The following FAM9B variants were observed in gnomAD, a reference collection of about 807,000 sequenced individuals.
The protein encoded by FAM9B is protein FAM9B.
In FAM9B, 18 loss-of-function variants were observed where a neutral mutation model predicts 16.6. The observed-to-expected ratio is 1.09, with a 90% CI of 0.75 to 1.61. FAM9B has a LOEUF of 1.61. FAM9B is among the 40% of genes most tolerant of loss of function. The pLI, the probability that FAM9B is intolerant of heterozygous loss-of-function variation, is 0.00. For missense variants in FAM9B, 155 were observed against 136.0 expected, an observed-to-expected ratio of 1.14 and a Z score of -0.70; for synonymous variants, 43 against 42.6, an observed-to-expected ratio of 1.01 and a Z score of -0.03.
rs754866650 is a variant in FAM9B at position 9,027,877 on chromosome X, T to C, written c.483A>G (p.Gln161=). 1.7e-5 allele frequency: 21 copies of C among 1,205,540 alleles called. No individual in the cohort carries two copies. The East Asian group carries it at 5.3e-4, about 31-fold the overall frequency. ...RLKEMKLLRD[Q]FVKALEDFED... ...ACCAAATAGAACAGACCTTTACGAA[T>C]TGGTCACGTAGCAGCTTCATCTCTT... is the stretch of plus-strand genomic sequence containing the variant. Residue 161 remains glutamine (Q), a synonymous_variant, in exon 7 of 9, where the codon CAA becomes CAG. Transcript: ENST00000327220.
At position 9,029,313 on chromosome X, in the gene FAM9B, T is replaced by C; in HGVS notation, c.387A>G (p.Glu129=). 8.4e-7 allele frequency: 1 copy of C among 1,193,877 alleles called. No individual in the cohort carries two copies. The highest frequency in any genetic ancestry group is 1.1e-6 in the Non-Finnish European group (1 of 880,422). Residue 129 remains glutamate (E), a synonymous_variant, in exon 6 of 9, where the codon GAA becomes GAG. Coordinates refer to ENST00000327220, the MANE Select transcript of FAM9B (RefSeq NM_205849.3). ...AGCTAAGCATGATACCAACAATTAG[T>C]TCTTCCTCTTCTCCCTCTTCTTCTT... ...EEEEEEGEEE[E]LIRIFQEQQK...
intron 2 of FAM9B, 38 bp downstream of exon 2, chrX:9,032,921 C>G (rs1453202699): frequency 8.3e-7 from 1 of 1,206,078 alleles, no homozygotes; most frequent in African/African-American, 1.7e-5. Flanking sequence ...TCCTCTTGGG[C>G]GTGCACCTTC....
At chrX:9,030,051 C>T in intron 5 of FAM9B, 1 of 642,651 alleles carries the variant, frequency 1.6e-6, no homozygotes. Flanking sequence ...AAAAAGAGGT[C>T]ATCTTCATTG....
intron 2 of FAM9B, 181 bp from the exon 3 acceptor site, chrX:9,032,642 TG>T (rs1921118003): frequency 1.4e-6 from 1 of 737,692 alleles, no homozygotes; most frequent in Non-Finnish European, 1.9e-6. Context: ...GAGGGACTTT[TG>T]GAAGCCCTTC....
In FAM9B at chrX:9,032,559, G is replaced by A. The variant is rs1019589796; in HGVS notation, c.29-98C>T. The A allele has an allele frequency of 1.4e-5, 8 of 555,430 alleles. No individual in the cohort carries two copies. In the East Asian group the frequency reaches 3.1e-4, roughly 22 times the overall value. 45.8% of individuals were successfully genotyped at this position (555,430 alleles called of 1,213,427 possible). On this transcript the variant is annotated intron_variant, in intron 2 of 8. Coordinates refer to ENST00000327220, the MANE Select transcript of FAM9B (RefSeq NM_205849.3). Reference sequence around the variant, plus strand: ...TACTAGTTGTAGACTTTTTTGGGGGGGGGGGGCTCTCTGCCAATTAAAGCT... The same window carrying A: ...TACTAGTTGTAGACTTTTTTGGGGGAGGGGGGCTCTCTGCCAATTAAAGCT...
In FAM9B at chrX:9,030,429, T is replaced by A. The variant is rs191303202; in HGVS notation, c.182-69A>T. ...AATGTTGAAAAGTAGTTTCTTTGCA[T>A]ATACTGACATCAATATGGGACTTTA... is the stretch of plus-strand genomic sequence containing the variant. On this transcript the variant is annotated intron_variant, in intron 4 of 8. Coordinates refer to ENST00000327220, the MANE Select transcript of FAM9B (RefSeq NM_205849.3). 3 of 770,194 alleles carry A rather than the reference T, an allele frequency of 3.9e-6. No homozygotes were observed. The Admixed American group carries it at 1.1e-4, about 28-fold the overall frequency. 63.5% of individuals were successfully genotyped at this position (770,194 alleles called of 1,213,427 possible).
chrX:9,033,726 C>T, intron 1 of FAM9B, 126 bp downstream of exon 1: 1 of 705,505 alleles, frequency 1.4e-6, no homozygotes, highest in Non-Finnish European at 1.7e-6. Context: ...CTCGCCCTGA[C>T]CCAGGCCCCA....
At chrX:9,031,362 T>C (rs982498469) in intron 4 of FAM9B, 1 of 111,882 alleles carries the variant, frequency 8.9e-6, no homozygotes, top group African/African-American at 3.2e-5. Flanking sequence ...CAATATAAAG[T>C]TTATGAGTTT....
In FAM9B at chrX:9,033,006, G is replaced by A. The variant is rs1422839635; in HGVS notation, c.-20C>T. The A allele has an allele frequency of 1.7e-6, 2 of 1,211,945 alleles. No homozygotes were observed. The highest frequency in any genetic ancestry group is 2.2e-5 in the Admixed American group (1 of 46,094). The stretch of plus-strand genomic sequence containing the variant: ...CGCCATAAATTGAGCCTCCAACTGG[G>A]CCTTGGCAGCCCTCCTGCCCACAGG... On this transcript the variant is annotated 5_prime_UTR_variant, in exon 2 of 9. Coordinates refer to ENST00000327220, the MANE Select transcript of FAM9B (RefSeq NM_205849.3).
rs771313360 is a variant in FAM9B, at chrX:9,030,368, G to A, written c.182-8C>T. 1.1e-4 allele frequency: 123 copies of A among 1,153,932 alleles called. No individual in the cohort carries two copies. Among genetic ancestry groups the A allele is most frequent in the Non-Finnish European group, 1.4e-4 (120 of 855,389 alleles). ...TTTTTGCAGTAAGATCCTCTTTAATGTCAGTTAGATAGTAAATGAAAATGG... is the reference window on the plus strand; with the variant it reads ...TTTTTGCAGTAAGATCCTCTTTAATATCAGTTAGATAGTAAATGAAAATGG... On this transcript the variant is annotated splice_region_variant and splice_polypyrimidine_tract_variant and intron_variant, in intron 4 of 8. Transcript: ENST00000327220.
Position 9,024,630 on chromosome X carries a change from T to C in FAM9B, c.*779A>G, listed in dbSNP as rs1443795662. 1.8e-5 allele frequency: 2 copies of C among 112,205 alleles called. No homozygotes were observed. Among genetic ancestry groups the C allele is most frequent in the Non-Finnish European group, 3.8e-5 (2 of 53,280 alleles). The allele number at this position is 112,205 out of a possible 1,213,427, so 9.2% of individuals were successfully genotyped here. A position where few individuals can be genotyped will look rare whatever the true frequency, so the allele number is the denominator to read the frequency against. ...GTCCTACTTTCATTGGAATTGCCTC[T>C]TTATCCTAATGAGTAAATACAAAAG... On this transcript the variant is annotated 3_prime_UTR_variant, in exon 9 of 9. Transcript: ENST00000327220.
Position 9,032,121 on chromosome X carries a change from A to G in FAM9B, c.181+9T>C. 8.3e-7 allele frequency: 1 copy of G among 1,204,382 alleles called. No homozygotes were observed. The highest frequency in any genetic ancestry group is 1.7e-5 in the African/African-American group (1 of 57,479). On this transcript the variant is annotated intron_variant, in intron 4 of 8. Transcript: ENST00000327220. ...TTTTCATAAACTACAGATAACTCCT[A>G]AAACATACCTGCAGTATCTTCTGGC... is the stretch of plus-strand genomic sequence containing the variant.
Position 9,034,033 on chromosome X carries a change from T to A in FAM9B, c.-271A>T, listed in dbSNP as rs1304608865. 3.1e-6 allele frequency: 1 copy of A among 323,702 alleles called. No individual in the cohort carries two copies. Among genetic ancestry groups the A allele is most frequent in the East Asian group, 2.2e-4 (1 of 4,545 alleles). 26.7% of individuals were successfully genotyped at this position (323,702 alleles called of 1,213,427 possible). A position where few individuals can be genotyped will look rare whatever the true frequency, so the allele number is the denominator to read the frequency against. On this transcript the variant is annotated 5_prime_UTR_variant, in exon 1 of 9. Coordinates refer to ENST00000327220, the MANE Select transcript of FAM9B (RefSeq NM_205849.3). ...GCAGCCTAGGCAGCAAGAGCCAGAC[T>A]CCGTCCCAAAAAAAACAAAACAAAA...
intron 7 of FAM9B, 101 bp downstream of exon 7, chrX:9,027,767 T>C (rs781185708): frequency 6.4e-6 from 4 of 622,785 alleles, no homozygotes; most frequent in East Asian, 3.4e-5. Flanking sequence ...ATTTGAAATG[T>C]ATAATCAAAT....
At chrX:9,030,999 A>G (rs1444428587) in intron 4 of FAM9B, 2 of 112,096 alleles carry the variant, frequency 1.8e-5, no homozygotes, top group Admixed American at 1.9e-4. Context: ...TGTGTTTCAG[A>G]AAACTGTAAT....
rs1920981167 is a variant in FAM9B, at chrX:9,027,830, G to A, written c.492+38C>T. ...GACTGTCTTCTATTATGCACGTGTTGTATTTTATAATGTATTATGTTACCA... is the reference window on the plus strand; with the variant it reads ...GACTGTCTTCTATTATGCACGTGTTATATTTTATAATGTATTATGTTACCA... On this transcript the variant is annotated intron_variant, in intron 7 of 8. Transcript: ENST00000327220. 5.7e-6 allele frequency: 6 copies of A among 1,058,796 alleles called. No homozygotes were observed. In the East Asian group the frequency reaches 1.8e-4, roughly 32 times the overall value. 87.3% of individuals were successfully genotyped at this position (1,058,796 alleles called of 1,213,427 possible).
rs778533482 is a variant in FAM9B at position 9,025,547 on chromosome X, A to G, written c.529T>C (p.Phe177Leu). Reference sequence around the variant, plus strand: ...TCAAGTTCACTGTCTTCATCGGAAAAAACTCTGTCACAAAGGTCTTCAAAG... The same window carrying G: ...TCAAGTTCACTGTCTTCATCGGAAAGAACTCTGTCACAAAGGTCTTCAAAG... ...EDFEDLCDRV[F>L]SDEDSELDN Residue 177 changes from phenylalanine to leucine, a missense_variant, in exon 8 of 9, where the codon TTT (phenylalanine) becomes CTT (leucine). Phe to Leu is a conservative substitution (Grantham distance 22, BLOSUM62 0). Transcript: ENST00000327220. The G allele has an allele frequency of 2.5e-6, 3 of 1,208,757 alleles. No individual in the cohort carries two copies. The Admixed American group carries it at 6.6e-5, about 26-fold the overall frequency.
At chrX:9,033,705 A>ACACCC in intron 1 of FAM9B, 147 bp downstream of exon 1, 13 of 32,498 alleles carry the variant, frequency 4.0e-4, no homozygotes, top group Non-Finnish European at 4.6e-4. Context: ...ACCCTAGCCC[A>ACACCC]CCCTCAGGGC....
rs765938915 is a variant in FAM9B, at chrX:9,029,412, T to C, written c.288A>G (p.Lys96=). Residue 96 remains lysine, a synonymous_variant, in exon 6 of 9, where the codon AAA becomes AAG. Coordinates refer to ENST00000327220, the MANE Select transcript of FAM9B (RefSeq NM_205849.3). ...ALRKKQLKRQ[K]RDYIHSLKLL... is the part of the protein sequence containing the mutation. ...ACTTCAGAGAATGTATATAATCACGTTTCTGCCTGTAACACATAATAAGTA... is the reference window on the plus strand; with the variant it reads ...ACTTCAGAGAATGTATATAATCACGCTTCTGCCTGTAACACATAATAAGTA... 1.2e-5 allele frequency: 14 copies of C among 1,177,930 alleles called. No homozygotes were observed. The highest frequency in any genetic ancestry group is 2.2e-5 in the Admixed American group (1 of 45,594).
Sources: allele counts gnomAD v4.1 joint callset, GRCh38; gene constraint gnomAD v4.1.1; transcripts MANE v1.5; gene names NCBI Gene and HGNC (gene_info 2026-07-23, HGNC 2026-07-21).